Variants in ABCA1 observed in about 807,000 individuals in gnomAD.
ABCA1 encodes ATP binding cassette subfamily A member 1.
In ABCA1, 133 loss-of-function variants were observed where a neutral mutation model predicts 262.5. The observed-to-expected ratio is 0.51, with a 90% CI of 0.44 to 0.59. ABCA1 has a LOEUF of 0.59. Among genes scored for constraint, ABCA1 ranks in the 20% least tolerant of loss-of-function variants. ABCA1 has a pLI of 0.00. For missense variants in ABCA1, 2,452 were observed against 2,777.5 expected, an observed-to-expected ratio of 0.88 and a Z score of 2.63; for synonymous variants, 1,022 against 1,043.5, an observed-to-expected ratio of 0.98 and a Z score of 0.40.
At position 104,799,394 on chromosome 9, in the gene ABCA1, TCACACACACACA is replaced by T. The variant is rs3983647; in HGVS notation, c.4943+413_4943+424del. On this transcript the variant is annotated intron_variant, in intron 36 of 49. Transcript: ENST00000374736. ...AACTAGCTCATCCTGGCTTTAAACT[TCACACACACACA>T]CACACACACACACACACACACACAC... The T allele has an allele frequency of 6.3e-3, 3,489 of 551,006 alleles. 22 individuals are homozygous for T. Among genetic ancestry groups the T allele is most frequent in the African/African-American group, 0.037 (1,624 of 43,398 alleles). 34.1% of individuals were successfully genotyped at this position (551,006 alleles called of 1,614,324 possible). A position where few individuals can be genotyped will look rare whatever the true frequency, so the allele number is the denominator to read the frequency against.
intron 1 of ABCA1, among the ~76,000 whole-genome samples, chr9:104,913,583 A>G (rs1041319371): frequency 1.3e-5 from 2 of 152,080 alleles, no homozygotes; most frequent in African/African-American, 2.4e-5. Context: ...TCCAGAGCAA[A>G]CTGGAGCGCT....
intron 4 of ABCA1, among the ~76,000 whole-genome samples, chr9:104,883,993 A>G (rs1838924025): frequency 6.6e-6 from 1 of 151,676 alleles, no homozygotes; most frequent in African/African-American, 2.4e-5. Context: ...GCAGTGACAG[A>G]GGTGAGAGAG....
intron 1 of ABCA1, among the ~76,000 whole-genome samples, chr9:104,905,667 T>A (rs1052774174): frequency 6.6e-6 from 1 of 152,208 alleles, no homozygotes; most frequent in African/African-American, 2.4e-5. Flanking sequence ...GTGAGACACA[T>A]GCTTGTCATC....
chr9:104,785,656 A>T lies in ABCA1; in HGVS notation c.6402-17T>A. Reference sequence around the variant, plus strand: ...TCTCCAAACCTGAAAGCAGGAAAAAATACCCAAATGGAGGATCTCCAGAAA... The same window carrying T: ...TCTCCAAACCTGAAAGCAGGAAAAATTACCCAAATGGAGGATCTCCAGAAA... On this transcript the variant is annotated splice_polypyrimidine_tract_variant and intron_variant, in intron 48 of 49. Transcript: ENST00000374736. The T allele has an allele frequency of 6.2e-7, 1 of 1,613,752 alleles. No individual in the cohort carries two copies.
At chr9:104,867,059 T>C (rs945520648) in intron 5 of ABCA1, among the ~76,000 whole-genome samples, 1 of 152,184 alleles carries the variant, frequency 6.6e-6, no homozygotes, top group Non-Finnish European at 1.5e-5. Context: ...GAATTGCCGA[T>C]TGCAGAGAAG....
At chr9:104,884,200 G>A (rs1185327721) in intron 4 of ABCA1, among the ~76,000 whole-genome samples, 1 of 152,264 alleles carries the variant, frequency 6.6e-6, no homozygotes. Context: ...GACAGGACTT[G>A]AAATGTTCAC....
chr9:104,893,836 G>A (rs1418092181), intron 2 of ABCA1, among the ~76,000 whole-genome samples: 2 of 152,146 alleles, frequency 1.3e-5, no homozygotes, highest in Non-Finnish European at 1.5e-5. Flanking sequence ...GGCCCCACTA[G>A]GTGGAATGGT....
chr9:104,841,950 G>GTCACTGCGTGTTC (rs1834414622), intron 8 of ABCA1, among the ~76,000 whole-genome samples: 1 of 152,212 alleles, frequency 6.6e-6, no homozygotes, highest in East Asian at 1.9e-4. Flanking sequence ...TCCTGGAAAT[G>GTCACTGCGTGTTC]TCACTGCGTG....
At chr9:104,873,096 G>A (rs1310276330) in intron 5 of ABCA1, among the ~76,000 whole-genome samples, 1 of 152,186 alleles carries the variant, frequency 6.6e-6, no homozygotes, top group Admixed American at 6.5e-5. Flanking sequence ...ACAGGTCTGG[G>A]AAAACTCATG....
At chr9:104,850,017 G>C (rs1173265869) in intron 7 of ABCA1, among the ~76,000 whole-genome samples, 1 of 152,226 alleles carries the variant, frequency 6.6e-6, no homozygotes, top group African/African-American at 2.4e-5. Context: ...GAATGAGCTA[G>C]GGAAACAGAG....
chr9:104,892,538 T>G (rs926357331), intron 2 of ABCA1, among the ~76,000 whole-genome samples: 1 of 152,142 alleles, frequency 6.6e-6, no homozygotes, highest in Non-Finnish European at 1.5e-5. Flanking sequence ...CCCAGGTACT[T>G]TGTGTCTGTA....
intron 28 of ABCA1, among the ~76,000 whole-genome samples, chr9:104,811,818 T>A (rs1420458598): frequency 6.6e-6 from 1 of 152,188 alleles, no homozygotes; most frequent in Non-Finnish European, 1.5e-5. Context: ...TAACTGAGGA[T>A]CAGAGAGACT....
At chr9:104,908,532 C>T (rs371483815) in intron 1 of ABCA1, among the ~76,000 whole-genome samples, 6 of 152,034 alleles carry the variant, frequency 3.9e-5, no homozygotes, top group Non-Finnish European at 7.4e-5. Context: ...TTGGGCGTGG[C>T]GGTGGGTGCC....
rs980517534 is a variant in ABCA1, at chr9:104,810,986, G to A, written c.4051-62C>T. ...GGAAACGGCAAGTGTTAGAAACAAGGCCAAGGGGCAAATCCCTACGAGTCC... is the reference window on the plus strand; with the variant it reads ...GGAAACGGCAAGTGTTAGAAACAAGACCAAGGGGCAAATCCCTACGAGTCC... On this transcript the variant is annotated intron_variant, in intron 28 of 49. Transcript: ENST00000374736. 1.1e-5 allele frequency: 18 copies of A among 1,611,244 alleles called. No homozygotes were observed. The African/African-American group carries it at 2.1e-4, about 19-fold the overall frequency.
chr9:104,786,833 A>G (rs1163375748), intron 47 of ABCA1, 40 bp downstream of exon 47: 2 of 1,543,472 alleles, frequency 1.3e-6, no homozygotes, highest in African/African-American at 2.7e-5. Context: ...TGGAAAGTTA[A>G]AACATCCCAC....
rs148767075 is a variant in ABCA1, at chr9:104,822,575, C to T, written c.2749G>A (p.Asp917Asn). ...VYRDGMKVAV[D>N]GLALNFYEGQ... ...TCATAAAAATTCAGTGCCAGGCCAT[C>T]GACAGCCACCTTCATCCCATCTCGG... Residue 917 changes from aspartate (D) to asparagine (N), a missense_variant, in exon 19 of 50, where the codon GAT becomes AAT. Around this residue, in one of 4 missense-constraint regions of ABCA1, gnomAD observed 665 missense variants for 727.3 expected, o/e 0.91. Transcript: ENST00000374736. 4.3e-6 allele frequency: 7 copies of T among 1,613,960 alleles called. No individual in the cohort carries two copies. The highest frequency in any genetic ancestry group is 4.0e-5 in the African/African-American group (3 of 74,892).
intron 9 of ABCA1, among the ~76,000 whole-genome samples, 196 bp from the exon 10 acceptor site, chr9:104,837,763 G>C (rs1369035880): frequency 6.6e-6 from 1 of 152,132 alleles, no homozygotes; most frequent in Non-Finnish European, 1.5e-5. Flanking sequence ...GGAGAGATGT[G>C]GAGAAGATTA....
At chr9:104,884,679 C>T in intron 3 of ABCA1, 111 bp from the exon 4 acceptor site, 1 of 1,286,918 alleles carries the variant, frequency 7.8e-7, no homozygotes, top group Admixed American at 1.8e-5. Context: ...TCCCATTCCC[C>T]ACATCCCAGA....
intron 25 of ABCA1, among the ~76,000 whole-genome samples, chr9:104,815,521 T>C (rs1831665914): frequency 2.0e-5 from 3 of 152,208 alleles, no homozygotes; most frequent in African/African-American, 7.2e-5. Context: ...AAACCCCTGA[T>C]TCTGAATCTC....
Sources: allele counts gnomAD v4.1 joint callset (sites outside exome capture counted in the v4.1 genomes callset), GRCh38; gene constraint gnomAD v4.1.1; regional missense constraint gnomAD v4.1.1; transcripts MANE v1.5; gene names NCBI Gene and HGNC (gene_info 2026-07-23, HGNC 2026-07-21).